The following ARHGAP15 variants were observed in gnomAD, a reference collection of about 807,000 sequenced individuals.
ARHGAP15 encodes the protein Rho GTPase activating protein 15, also known as rho GTPase-activating protein 15.
A neutral mutation model predicts 63.7 loss-of-function variants in ARHGAP15; 51 were observed. The observed-to-expected ratio is 0.80, with a 90% CI of 0.64 to 1.01. ARHGAP15 has a LOEUF of 1.01. Ranked by LOEUF, ARHGAP15 falls within the 50% of genes least tolerant of loss-of-function variation. The pLI, the probability that ARHGAP15 is intolerant of heterozygous loss-of-function variation, is 0.00. For missense variants in ARHGAP15, 560 were observed against 564.6 expected (o/e 0.99, Z 0.08); for synonymous variants, 191 against 193.8 (o/e 0.99, Z 0.12).
intron 8 of ARHGAP15, among the ~76,000 whole-genome samples, chr2:143,475,167 TATG>T (rs1691753603): frequency 2.0e-5 from 3 of 152,208 alleles, no homozygotes; most frequent in African/African-American, 7.2e-5. Context: ...TGTTATGAAT[TATG>T]ATTATTGCAA....
At chr2:143,746,737 C>T (rs1258673357) in intron 13 of ARHGAP15, among the ~76,000 whole-genome samples, 3 of 152,052 alleles carry the variant, frequency 2.0e-5, no homozygotes, top group Non-Finnish European at 2.9e-5. Flanking sequence ...AAAAATAAAA[C>T]ATATCAACAA....
At chr2:143,181,294 A>T (rs535301199) in intron 2 of ARHGAP15, among the ~76,000 whole-genome samples, 2 of 152,248 alleles carry the variant, frequency 1.3e-5, no homozygotes, top group Non-Finnish European at 2.9e-5. Context: ...GGGCCCTAAT[A>T]TTTTTGGAAG....
rs538129008 is a variant in ARHGAP15, at chr2:143,632,874, C to A, written c.1138+8607C>A. ...GGTCAAACTATTTCTGATGCATCAT[C>A]AACTCCATGATGACACTCTTTAGGA... On this transcript the variant is annotated intron_variant, in intron 12 of 13. Transcript: ENST00000295095. Among the ~76,000 whole-genome samples, 5 of 152,242 alleles carry A rather than the reference C, an allele frequency of 3.3e-5. No individual in the cohort carries two copies. The South Asian group carries it at 8.3e-4, about 25-fold the overall frequency.
At chr2:143,700,036 T>C (rs1427301517) in intron 12 of ARHGAP15, among the ~76,000 whole-genome samples, 1 of 152,144 alleles carries the variant, frequency 6.6e-6, no homozygotes, top group African/African-American at 2.4e-5. Context: ...TTTTCATTCA[T>C]TTAACCCACC....
chr2:143,528,716 G>C (rs1164583120), intron 10 of ARHGAP15, among the ~76,000 whole-genome samples: 1 of 152,052 alleles, frequency 6.6e-6, no homozygotes, highest in Non-Finnish European at 1.5e-5. Flanking sequence ...TGCATTTTCT[G>C]ACAGTTTGGG....
chr2:143,553,413 T>C (rs903531739), intron 10 of ARHGAP15, among the ~76,000 whole-genome samples: 2 of 152,198 alleles, frequency 1.3e-5, no homozygotes, highest in African/African-American at 2.4e-5. Context: ...TTGGAAGTTG[T>C]GTCAAGATAG....
intron 11 of ARHGAP15, among the ~76,000 whole-genome samples, chr2:143,562,713 T>C (rs904933091): frequency 2.0e-5 from 3 of 152,240 alleles, no homozygotes; most frequent in Admixed American, 2.0e-4. Flanking sequence ...GACCTCATTT[T>C]TCAGCTACAT....
chr2:143,403,237 C>T (rs963612361), intron 6 of ARHGAP15, among the ~76,000 whole-genome samples: 10 of 151,122 alleles, frequency 6.6e-5, no homozygotes, highest in Non-Finnish European at 5.9e-5. Context: ...CCAATAAGAC[C>T]GTTTGATTTC....
intron 13 of ARHGAP15, among the ~76,000 whole-genome samples, chr2:143,765,575 G>T (rs114289265): frequency 0.011 from 1,628 of 152,230 alleles, 26 homozygotes; most frequent in African/African-American, 0.038. Context: ...AGAATATCCT[G>T]AATATTCAGT....
At chr2:143,214,032 TAA>T (rs1437335339) in intron 3 of ARHGAP15, among the ~76,000 whole-genome samples, 1 of 152,232 alleles carries the variant, frequency 6.6e-6, no homozygotes, top group African/African-American at 2.4e-5. Context: ...TTTCTCCCTA[TAA>T]GAGTATTAGC....
At chr2:143,227,071 A>T (rs1693239531) in intron 4 of ARHGAP15, among the ~76,000 whole-genome samples, 1 of 152,238 alleles carries the variant, frequency 6.6e-6, no homozygotes, top group Non-Finnish European at 1.5e-5. Context: ...ACTGTTTTGA[A>T]GTGAATGTTA....
rs34962510 is a variant in ARHGAP15 at position 143,705,728 on chromosome 2, C to CT, written c.1244+2212dup. On this transcript the variant is annotated intron_variant, in intron 13 of 13. Coordinates refer to ENST00000295095, the MANE Select transcript of ARHGAP15 (RefSeq NM_018460.4). ...TCCGTTACTCTGTCCCAATTATTCC[C>CT]TTTTTTTTCAACTGAAGAAATAGCT... is the stretch of plus-strand genomic sequence containing the variant. Among the ~76,000 whole-genome samples, 7 of 151,874 alleles carry CT rather than the reference C, an allele frequency of 4.6e-5. No homozygotes were observed. In the East Asian group the frequency reaches 7.7e-4, roughly 17 times the overall value.
chr2:143,654,048 G>A lies in ARHGAP15; in HGVS notation c.1138+29781G>A, dbSNP rs572075073. On this transcript the variant is annotated intron_variant, in intron 12 of 13. Coordinates refer to ENST00000295095, the MANE Select transcript of ARHGAP15 (RefSeq NM_018460.4). Reference sequence around the variant, plus strand: ...AGGGGGTAGACAAAAAAAGACTGGGGCTAGGGAGTCAGTGAAGAAGCTATT... The same window carrying A: ...AGGGGGTAGACAAAAAAAGACTGGGACTAGGGAGTCAGTGAAGAAGCTATT... Among the ~76,000 whole-genome samples the A allele has an allele frequency of 5.9e-5, 9 of 152,250 alleles. No individual in the cohort carries two copies. In the East Asian group the frequency reaches 1.2e-3, roughly 20 times the overall value.
chr2:143,312,289 A>G (rs556042082), intron 6 of ARHGAP15, among the ~76,000 whole-genome samples: 2 of 152,254 alleles, frequency 1.3e-5, no homozygotes, highest in African/African-American at 4.8e-5. Context: ...TCTTTCGGCA[A>G]TTCAGAATAG....
chr2:143,483,957 G>A (rs1372800739), intron 8 of ARHGAP15, among the ~76,000 whole-genome samples: 1 of 152,130 alleles, frequency 6.6e-6, no homozygotes, highest in African/African-American at 2.4e-5. Context: ...GGCGGCCATG[G>A]TGGCTCAGAC....
At chr2:143,556,508 A>G (rs750559223) in intron 11 of ARHGAP15, 23 bp downstream of exon 11, 1 of 1,582,614 alleles carries the variant, frequency 6.3e-7, no homozygotes, top group Non-Finnish European at 8.7e-7. Flanking sequence ...CACTTCAGAG[A>G]TTTTTTCAAA....
chr2:143,459,900 A>G (rs994283203), intron 8 of ARHGAP15, among the ~76,000 whole-genome samples: 5 of 152,198 alleles, frequency 3.3e-5, no homozygotes. Context: ...ATAAACGTGC[A>G]TAATGTGAAG....
intron 6 of ARHGAP15, among the ~76,000 whole-genome samples, chr2:143,315,992 A>G (rs990797444): frequency 6.6e-6 from 1 of 152,130 alleles, no homozygotes; most frequent in African/African-American, 2.4e-5. Flanking sequence ...GGGCTGAGGC[A>G]GGAGAATTGC....
chr2:143,418,024 T>G (rs978446095), intron 6 of ARHGAP15, among the ~76,000 whole-genome samples: 9 of 152,216 alleles, frequency 5.9e-5, no homozygotes, highest in Non-Finnish European at 1.3e-4. Flanking sequence ...CTCAAACTAA[T>G]AGGAATAGTA....
Sources: gnomAD v4.1 joint callset for allele counts (sites outside exome capture counted in the v4.1 genomes callset) on GRCh38, gnomAD v4.1.1 for gene constraint, MANE v1.5 for transcripts, NCBI Gene and HGNC (gene_info 2026-07-23, HGNC 2026-07-21) for gene names.